RNF220: variants seen among roughly 807,000 people sequenced by gnomAD.
RNF220 encodes the protein E3 ubiquitin-protein ligase RNF220.
In RNF220, 7 loss-of-function variants were observed where a neutral mutation model predicts 67.1. The observed-to-expected ratio is 0.10, with a 90% CI of 0.06 to 0.20. The LOEUF (loss-of-function observed/expected upper bound fraction) is 0.20, where lower values mean the gene tolerates loss of function less well. RNF220 is among the 10% of genes least tolerant of loss of function. The pLI is 1.00. For synonymous variants in RNF220, 270 were observed against 283.2 expected, an observed-to-expected ratio of 0.95 and a Z score of 0.47; for missense variants, 565 against 740.3, an observed-to-expected ratio of 0.76 and a Z score of 2.75.
chr1:44,439,147 G>T, intron 2 of RNF220, among the ~76,000 whole-genome samples: 1 of 152,162 alleles, frequency 6.6e-6, no homozygotes, highest in Non-Finnish European at 1.5e-5. Flanking sequence ...AGATAAAAAG[G>T]TAGGCATATT....
intron 2 of RNF220, among the ~76,000 whole-genome samples, chr1:44,598,069 G>A (rs1666658115): frequency 6.6e-6 from 1 of 151,516 alleles, no homozygotes; most frequent in African/African-American, 2.4e-5. Flanking sequence ...CCCTCCAAGA[G>A]TCAGGCCTCC....
intron 2 of RNF220, among the ~76,000 whole-genome samples, chr1:44,612,446 C>CT (rs1422329301): frequency 6.6e-6 from 1 of 152,186 alleles, no homozygotes; most frequent in African/African-American, 2.4e-5. Flanking sequence ...GTTAAACCTT[C>CT]TCTTTTTTCC....
chr1:44,482,499 G>A (rs1655908738), intron 2 of RNF220, among the ~76,000 whole-genome samples: 1 of 152,176 alleles, frequency 6.6e-6, no homozygotes, highest in Non-Finnish European at 1.5e-5. Context: ...TAGCTTCAGT[G>A]GAGCTAGAAA....
At chr1:44,416,188 A>G (rs778585757) in intron 2 of RNF220, among the ~76,000 whole-genome samples, 1 of 152,218 alleles carries the variant, frequency 6.6e-6, no homozygotes, top group Non-Finnish European at 1.5e-5. Context: ...GAAGCCATTC[A>G]TGGAGGATGC....
chr1:44,488,388 C>T (rs549938793), intron 2 of RNF220, among the ~76,000 whole-genome samples: 7 of 152,298 alleles, frequency 4.6e-5, no homozygotes, highest in African/African-American at 1.7e-4. Flanking sequence ...CTCAGCCCCC[C>T]AAAGTGCTGG....
rs1283981947 is a variant in RNF220 at position 44,417,952 on chromosome 1, C to T, written c.625+5230C>T. On this transcript the variant is annotated intron_variant, in intron 2 of 14. Transcript: ENST00000361799. This position sits in a 1 kb window ranked among gnomAD's most constrained non-coding sequence, Gnocchi z 4.0. The stretch of plus-strand genomic sequence containing the variant: ...GGACTCCGCGCGCCGCCTCGAGGGC[C>T]GGGAGCGCCCAGCCCGCGGCCGCAC... Among the ~76,000 whole-genome samples the T allele has an allele frequency of 6.6e-6, 1 of 151,854 alleles. No individual in the cohort carries two copies. The highest frequency in any genetic ancestry group is 1.9e-4 in the East Asian group (1 of 5,166).
intron 12 of RNF220, chr1:44,648,349 A>G (rs1406150585): frequency 6.6e-6 from 1 of 152,202 alleles, no homozygotes; most frequent in Non-Finnish European, 1.5e-5. Flanking sequence ...CCTCAGTACA[A>G]TCTCTGGCAT....
In RNF220 at chr1:44,649,900, C is replaced by T; in HGVS notation, c.1572C>T (p.Pro524=). 1.2e-6 allele frequency: 2 copies of T among 1,614,062 alleles called. No individual in the cohort carries two copies. The highest frequency in any genetic ancestry group is 2.2e-5 in the South Asian group (2 of 91,086). The part of the protein sequence containing the change: ...CLICMDSYSM[P]LTSIQCWHVH... ...CTCCCTAGGACTCGTACTCGATGCC[C>T]CTAACGTCCATCCAGTGTTGGCACG... Residue 524 remains proline (P), a synonymous_variant, in exon 14 of 15, where the codon CCC becomes CCT. Transcript: ENST00000361799. This position sits in a 1 kb window ranked among gnomAD's most constrained non-coding sequence, Gnocchi z 5.9.
At chr1:44,635,701 G>T (rs764500071) in intron 7 of RNF220, 113 bp downstream of exon 7, 1 of 1,556,500 alleles carries the variant, frequency 6.4e-7, no homozygotes, top group East Asian at 2.4e-5. Context: ...TTCCTTCCCC[G>T]CTCCCTTCCC....
rs145530674 is a variant in RNF220, at chr1:44,417,946, G to C, written c.625+5224G>C. On this transcript the variant is annotated intron_variant, in intron 2 of 14. Coordinates refer to ENST00000361799, the MANE Select transcript of RNF220 (RefSeq NM_018150.4). This position sits in a 1 kb window ranked among gnomAD's most constrained non-coding sequence, Gnocchi z 4.0. Reference sequence around the variant, plus strand: ...GCAGGAGGACTCCGCGCGCCGCCTCGAGGGCCGGGAGCGCCCAGCCCGCGG... The same window carrying C: ...GCAGGAGGACTCCGCGCGCCGCCTCCAGGGCCGGGAGCGCCCAGCCCGCGG... Among the ~76,000 whole-genome samples, 4,253 of 151,780 alleles carry C rather than the reference G, an allele frequency of 0.028. 93 individuals are homozygous for C. Among genetic ancestry groups the C allele is most frequent in the Middle Eastern group, 0.069 (20 of 288 alleles).
intron 2 of RNF220, among the ~76,000 whole-genome samples, 186 bp from the exon 3 acceptor site, chr1:44,613,979 C>T (rs1032410800): frequency 1.1e-4 from 17 of 152,174 alleles, no homozygotes; most frequent in African/African-American, 4.1e-4. Flanking sequence ...AGGTACCATT[C>T]ATGGCCACAG....
intron 2 of RNF220, among the ~76,000 whole-genome samples, chr1:44,585,468 C>T (rs1249094185): frequency 1.3e-5 from 2 of 152,250 alleles, no homozygotes; most frequent in African/African-American, 4.8e-5. Context: ...CCCATTCACT[C>T]CGTTAACCAT....
chr1:44,644,792 A>G lies in RNF220; in HGVS notation c.1221A>G (p.Pro407=). ...ATGACACTCTGGAGTATGGGAAGCC[A>G]CAGTATCCTTGGAGCACTATGGGGG... The part of the protein sequence containing the change: ...DGDDTLEYGK[P]QYTEADVIPC... Residue 407 remains proline, a splice_region_variant and synonymous_variant, in exon 9 of 15, where the codon CCA becomes CCG. Transcript: ENST00000361799. 1 of 1,613,186 alleles carries G rather than the reference A, an allele frequency of 6.2e-7. No homozygotes were observed.
intron 2 of RNF220, chr1:44,419,330 T>G (rs1648959436): frequency 6.6e-6 from 1 of 152,200 alleles, no homozygotes; most frequent in South Asian, 2.1e-4. Context: ...CGAAAGAACC[T>G]TCTTACACCT....
In RNF220 at chr1:44,649,566, T is replaced by G; in HGVS notation, c.1446-95T>G. On this transcript the variant is annotated intron_variant, in intron 12 of 14. Coordinates refer to ENST00000361799, the MANE Select transcript of RNF220 (RefSeq NM_018150.4). The surrounding 1 kb of genome is among the most constrained non-coding windows in gnomAD (Gnocchi z 5.9). ...GCAGGCAGGGATGCCTAGGGGACAT[T>G]TATGTATTTGGTTCTGGAATTCAAG... The G allele has an allele frequency of 8.8e-7, 1 of 1,134,846 alleles. No homozygotes were observed. Among genetic ancestry groups the G allele is most frequent in the Non-Finnish European group, 1.3e-6 (1 of 756,846 alleles). The allele number at this position is 1,134,846 out of a possible 1,614,324, so 70.3% of individuals were successfully genotyped here. A position where few individuals can be genotyped will look rare whatever the true frequency, so the allele number is the denominator to read the frequency against.
At chr1:44,418,120 TAAG>T (rs1309932367) in intron 2 of RNF220, among the ~76,000 whole-genome samples, 1 of 151,576 alleles carries the variant, frequency 6.6e-6, no homozygotes, top group African/African-American at 2.4e-5. Flanking sequence ...GGGTGACGGA[TAAG>T]GGGGGGGCGC....
chr1:44,453,449 G>A (rs528790388), intron 2 of RNF220, among the ~76,000 whole-genome samples: 70 of 152,116 alleles, frequency 4.6e-4, no homozygotes, highest in Non-Finnish European at 8.4e-4. Flanking sequence ...CTGGTTTTGC[G>A]AGAGTTTTAC....
chr1:44,586,324 T>G (rs757203181), intron 2 of RNF220, among the ~76,000 whole-genome samples: 1 of 152,006 alleles, frequency 6.6e-6, no homozygotes, highest in Non-Finnish European at 1.5e-5. Flanking sequence ...AAAGTTGACG[T>G]TCAAGAGGGT....
In RNF220 at chr1:44,650,085, G is replaced by A; in HGVS notation, c.1629+128G>A. The stretch of plus-strand genomic sequence containing the variant: ...CAAAGGAGAACAGAGCCAGGAGCCA[G>A]GATATTTACCCGCAGGATATTTACC... On this transcript the variant is annotated intron_variant, in intron 14 of 14. Coordinates refer to ENST00000361799, the MANE Select transcript of RNF220 (RefSeq NM_018150.4). The surrounding 1 kb of genome is among the most constrained non-coding windows in gnomAD (Gnocchi z 4.3). 1.0e-6 allele frequency: 1 copy of A among 996,306 alleles called. No homozygotes were observed. Among genetic ancestry groups the A allele is most frequent in the Non-Finnish European group, 1.5e-6 (1 of 677,302 alleles). The allele number at this position is 996,306 out of a possible 1,614,324, so 61.7% of individuals were successfully genotyped here.
Sources: allele counts gnomAD v4.1 joint callset (sites outside exome capture counted in the v4.1 genomes callset), GRCh38; gene constraint gnomAD v4.1.1; non-coding constraint Gnocchi (gnomAD v3.1); transcripts MANE v1.5; gene names NCBI Gene and HGNC (gene_info 2026-07-23, HGNC 2026-07-21).